The following TEX9 variants were observed in gnomAD, a reference collection of about 807,000 sequenced individuals.
The protein encoded by TEX9 is testis-expressed protein 9.
In TEX9, 74 loss-of-function variants were observed where a neutral mutation model predicts 59.6. That is an observed-to-expected ratio of 1.24 (90% CI 1.03 to 1.51). The LOEUF (loss-of-function observed/expected upper bound fraction) is 1.51, where lower values mean the gene tolerates loss of function less well. Ranked by LOEUF, TEX9 falls within the 40% of genes most tolerant of loss-of-function variation. The pLI is 0.00. For missense variants in TEX9, 522 were observed against 447.8 expected (o/e 1.17, Z -1.49); for synonymous variants, 186 against 152.2 (o/e 1.22, Z -1.64).
upstream of TEX9, among the ~76,000 whole-genome samples, chr15:56,361,533 G>GT (rs1374797128): frequency 6.6e-6 from 1 of 152,018 alleles, no homozygotes; most frequent in East Asian, 1.9e-4. Flanking sequence ...TTTTAGTTTA[G>GT]TTTTATTGTG....
intron 1 of TEX9, among the ~76,000 whole-genome samples, chr15:56,261,747 C>G (rs1448821073): frequency 1.3e-5 from 2 of 151,864 alleles, no homozygotes; most frequent in Non-Finnish European, 2.9e-5. Flanking sequence ...TGTACCAGGT[C>G]ATTGAAGTAA....
At chr15:56,410,157 C>CCCAT (rs1567131678) in intron 9 of TEX9, 1 of 151,932 alleles carries the variant, frequency 6.6e-6, no homozygotes, top group East Asian at 1.9e-4. Context: ...GAGTCTACCA[C>CCCAT]AGCTGGCAGG....
intron 1 of TEX9, among the ~76,000 whole-genome samples, chr15:56,346,723 G>GT (rs34664685): frequency 0.044 from 6,694 of 152,192 alleles, 221 homozygotes; most frequent in Admixed American, 0.086. Context: ...AATGTGGAAA[G>GT]TCTAGACAGC....
At chr15:56,326,925 T>C (rs1286373730) in intron 1 of TEX9, among the ~76,000 whole-genome samples, 1 of 152,220 alleles carries the variant, frequency 6.6e-6, no homozygotes, top group Non-Finnish European at 1.5e-5. Flanking sequence ...TTGTAATTAT[T>C]CATTGGGTAC....
At chr15:56,410,234 T>G (rs2049282557) in intron 9 of TEX9, 1 of 152,196 alleles carries the variant, frequency 6.6e-6, no homozygotes, top group Non-Finnish European at 1.5e-5. Flanking sequence ...TCTGATTATT[T>G]ATTTATCCTC....
chr15:56,281,013 T>C (rs1175456360), intron 1 of TEX9, among the ~76,000 whole-genome samples: 1 of 151,544 alleles, frequency 6.6e-6, no homozygotes, highest in Non-Finnish European at 1.5e-5. Context: ...TGCTACAGGA[T>C]TTTTTTTTCA....
rs570346224 is a variant in TEX9, at chr15:56,412,000, G to C, written c.829-302G>C. Among the ~76,000 whole-genome samples, 6 of 152,244 alleles carry C rather than the reference G, an allele frequency of 3.9e-5. No individual in the cohort carries two copies. In the East Asian group the frequency reaches 1.2e-3, roughly 29 times the overall value. On this transcript the variant is annotated intron_variant, in intron 9 of 12. Transcript: ENST00000352903. ...GTTATAATGAGTTGTTTATAAAATAGAGGACAGGTATACTGTGTCTTGAGT... is the reference window on the plus strand; with the variant it reads ...GTTATAATGAGTTGTTTATAAAATACAGGACAGGTATACTGTGTCTTGAGT...
intron 12 of TEX9, among the ~76,000 whole-genome samples, chr15:56,441,367 G>A (rs2050811250): frequency 6.6e-6 from 1 of 151,798 alleles, no homozygotes; most frequent in Non-Finnish European, 1.5e-5. Context: ...CTGTTGTTGG[G>A]TGGAGTATTC....
At chr15:56,255,690 A>C (rs116599884) in intron 1 of TEX9, among the ~76,000 whole-genome samples, 20 of 152,222 alleles carry the variant, frequency 1.3e-4, no homozygotes, top group Admixed American at 3.9e-4. Context: ...CTGAACCTTT[A>C]TAAATCTAAG....
At chr15:56,390,557 T>G (rs1188497827) in intron 6 of TEX9, among the ~76,000 whole-genome samples, 1 of 152,068 alleles carries the variant, frequency 6.6e-6, no homozygotes, top group African/African-American at 2.4e-5. Flanking sequence ...ACCATAAATT[T>G]GTTGATGTGT....
the TEX9 span, among the ~76,000 whole-genome samples, chr15:56,455,565 A>G: frequency 7.2e-5 from 11 of 152,176 alleles, no homozygotes; most frequent in Non-Finnish European, 1.5e-4. Context: ...TAAATTTCCA[A>G]TATATTCAAT....
At chr15:56,258,495 T>G (rs990848378) in intron 1 of TEX9, among the ~76,000 whole-genome samples, 16 of 151,866 alleles carry the variant, frequency 1.1e-4, no homozygotes, top group African/African-American at 3.9e-4. Flanking sequence ...CCTGAAGAGG[T>G]CCTTCACTTT....
chr15:56,388,356 T>C (rs2048054358), intron 4 of TEX9, 116 bp from the exon 5 acceptor site: 2 of 775,520 alleles, frequency 2.6e-6, no homozygotes, highest in East Asian at 2.6e-5. Flanking sequence ...ACTAGAATTA[T>C]AGCAAAGTCT....
intron 1 of TEX9, among the ~76,000 whole-genome samples, chr15:56,317,654 G>A (rs574331885): frequency 5.9e-4 from 90 of 151,902 alleles, no homozygotes; most frequent in African/African-American, 2.1e-3. Flanking sequence ...TTAAATATAG[G>A]CCTTTATAGC....
At chr15:56,405,824 AATT>A (rs1186651467) in intron 9 of TEX9, among the ~76,000 whole-genome samples, 1 of 152,166 alleles carries the variant, frequency 6.6e-6, no homozygotes, top group Non-Finnish European at 1.5e-5. Context: ...CCATTTTTAA[AATT>A]ATTATGTATC....
chr15:56,319,348 A>T (rs1178205470), intron 1 of TEX9, among the ~76,000 whole-genome samples: 1 of 137,680 alleles, frequency 7.3e-6, no homozygotes, highest in South Asian at 2.3e-4. Flanking sequence ...CACAAGCAGA[A>T]GACTCTTACC....
intron 1 of TEX9, among the ~76,000 whole-genome samples, chr15:56,244,777 G>A (rs1269392949): frequency 1.3e-5 from 2 of 152,026 alleles, no homozygotes; most frequent in Non-Finnish European, 2.9e-5. Flanking sequence ...TTCCTTTGGA[G>A]CCCGTTGAAC....
chr15:56,431,325 C>A, intron 12 of TEX9: 1 of 1,577,704 alleles, frequency 6.3e-7, no homozygotes, highest in South Asian at 1.2e-5. Context: ...ATGTTTTTTT[C>A]ACTATTACAG....
At chr15:56,373,065 G>C (rs1242248875) in intron 2 of TEX9, among the ~76,000 whole-genome samples, 1 of 152,140 alleles carries the variant, frequency 6.6e-6, no homozygotes. Flanking sequence ...CATTAGAGCA[G>C]GGCCTGTCTC....
Sources: allele counts gnomAD v4.1 joint callset (sites outside exome capture counted in the v4.1 genomes callset), GRCh38; gene constraint gnomAD v4.1.1; transcripts MANE v1.5; gene names NCBI Gene and HGNC (gene_info 2026-07-23, HGNC 2026-07-21).